The following KLHL4 variants were observed in gnomAD, a reference collection of about 807,000 sequenced individuals.
The protein encoded by KLHL4 is kelch-like protein 4.
KLHL4 carries 17 observed loss-of-function variants against 45.8 expected under a neutral mutation model. The ratio of observed to expected loss-of-function variants is 0.37; its 90% confidence interval spans 0.25 to 0.56. The LOEUF is 0.56. Among genes scored for constraint, KLHL4 ranks in the 20% least tolerant of loss-of-function variants. The pLI, the probability that KLHL4 is intolerant of heterozygous loss-of-function variation, is 0.79. For synonymous variants in KLHL4, 224 were observed against 189.9 expected (o/e 1.18, Z -1.47); for missense variants, 544 against 544.9 (o/e 1.00, Z 0.02).
At chrX:87,549,952 C>CA (rs1931776560) in intron 1 of KLHL4, among the ~76,000 whole-genome samples, 1 of 110,706 alleles carries the variant, frequency 9.0e-6, no homozygotes, top group Non-Finnish European at 1.9e-5. Flanking sequence ...GAAAACAATT[C>CA]AAAAGATCAA....
At chrX:87,657,084 C>G (rs1367916945) in intron 9 of KLHL4, among the ~76,000 whole-genome samples, 1 of 111,185 alleles carries the variant, frequency 9.0e-6, no homozygotes, top group Non-Finnish European at 1.9e-5. Context: ...GCAGAGCTCT[C>G]CATAAGCTCA....
At chrX:87,629,803 T>C (rs1163364695) in intron 6 of KLHL4, among the ~76,000 whole-genome samples, 1 of 111,742 alleles carries the variant, frequency 8.9e-6, no homozygotes, top group Non-Finnish European at 1.9e-5. Flanking sequence ...TGGTTAAACA[T>C]AGAATAAAAG....
chrX:87,633,639 G>A, intron 7 of KLHL4, 110 bp from the exon 8 acceptor site: 3 of 582,981 alleles, frequency 5.1e-6, no homozygotes, highest in Admixed American at 4.0e-5. Context: ...ATGCAAAATC[G>A]TTTAATAAGC....
At chrX:87,540,769 C>A (rs970698014) in intron 1 of KLHL4, among the ~76,000 whole-genome samples, 1 of 111,615 alleles carries the variant, frequency 9.0e-6, no homozygotes, top group Non-Finnish European at 1.9e-5. Flanking sequence ...AAGTAAAATA[C>A]AGTATATATA....
intron 9 of KLHL4, among the ~76,000 whole-genome samples, chrX:87,645,778 T>G (rs1392135357): frequency 1.8e-5 from 2 of 111,612 alleles, no homozygotes; most frequent in Non-Finnish European, 3.8e-5. Flanking sequence ...GAGACTATTA[T>G]TCTAAGTAAA....
chrX:87,654,855 G>A (rs1923936643), intron 9 of KLHL4, among the ~76,000 whole-genome samples: 1 of 111,557 alleles, frequency 9.0e-6, no homozygotes, highest in Non-Finnish European at 1.9e-5. Context: ...GTATAAAATG[G>A]TATCTCATTG....
intron 1 of KLHL4, among the ~76,000 whole-genome samples, chrX:87,531,143 T>G (rs1931265053): frequency 9.0e-6 from 1 of 110,674 alleles, no homozygotes; most frequent in African/African-American, 3.3e-5. Flanking sequence ...TTTGTTTGAG[T>G]TCATTGTAGA....
At chrX:87,530,397 T>C (rs1185391099) in intron 1 of KLHL4, among the ~76,000 whole-genome samples, 1 of 101,996 alleles carries the variant, frequency 9.8e-6, no homozygotes, top group Non-Finnish European at 2.0e-5. Flanking sequence ...ACTAGGTATA[T>C]CTCCCAATGC....
chrX:87,647,965 G>T (rs1431947986), intron 9 of KLHL4, among the ~76,000 whole-genome samples: 1 of 111,090 alleles, frequency 9.0e-6, no homozygotes, highest in African/African-American at 3.3e-5. Context: ...TATACAGAAA[G>T]AATTATTATA....
intron 1 of KLHL4, among the ~76,000 whole-genome samples, chrX:87,572,907 T>G (rs906403542): frequency 3.6e-5 from 4 of 110,986 alleles, no homozygotes; most frequent in South Asian, 3.7e-4. Flanking sequence ...ATTGGTTTGC[T>G]GACTCATTAA....
At chrX:87,562,465 G>A (rs908463468) in intron 1 of KLHL4, among the ~76,000 whole-genome samples, 19 of 109,574 alleles carry the variant, frequency 1.7e-4, no homozygotes, top group African/African-American at 6.0e-4. Flanking sequence ...AACACCAGTG[G>A]CTGCCAGGTA....
chrX:87,518,392 A>C, intron 1 of KLHL4, 77 bp downstream of exon 1: 2 of 832,823 alleles, frequency 2.4e-6, no homozygotes, highest in Non-Finnish European at 3.4e-6. Flanking sequence ...TTAGTGTTTA[A>C]ATAGAAAGTG....
intron 1 of KLHL4, among the ~76,000 whole-genome samples, chrX:87,585,466 CA>C (rs1343004066): frequency 9.0e-6 from 1 of 110,936 alleles, no homozygotes; most frequent in Non-Finnish European, 1.9e-5. Context: ...AATGTTAAAG[CA>C]GGGGTAATAG....
intron 1 of KLHL4, among the ~76,000 whole-genome samples, chrX:87,520,788 C>T (rs1413405416): frequency 8.9e-6 from 1 of 111,813 alleles, no homozygotes; most frequent in Non-Finnish European, 1.9e-5. Flanking sequence ...TCAACCATAG[C>T]ATTCCAACAA....
chrX:87,624,334 G>A (rs1343649173), intron 5 of KLHL4, among the ~76,000 whole-genome samples: 1 of 111,871 alleles, frequency 8.9e-6, no homozygotes, highest in Non-Finnish European at 1.9e-5. Flanking sequence ...TTTAAAAGGT[G>A]ACCTTACAAA....
intron 5 of KLHL4, 41 bp downstream of exon 5, chrX:87,622,464 A>G: frequency 1.1e-6 from 1 of 899,449 alleles, no homozygotes; most frequent in South Asian, 2.6e-5. Flanking sequence ...ATAGTTCTGA[A>G]CTACCACTAG....
chrX:87,634,001 C>A, intron 8 of KLHL4, 90 bp downstream of exon 8: 1 of 735,444 alleles, frequency 1.4e-6, no homozygotes, highest in Non-Finnish European at 2.0e-6. Flanking sequence ...ATTAGCATTC[C>A]AAATAACCTG....
intron 1 of KLHL4, among the ~76,000 whole-genome samples, chrX:87,571,818 C>A (rs1011878185): frequency 1.8e-5 from 2 of 110,585 alleles, no homozygotes; most frequent in Admixed American, 9.6e-5. Flanking sequence ...GTATTTATCC[C>A]TAATGGATTT....
At chrX:87,577,246 C>A (rs1334931354) in intron 1 of KLHL4, among the ~76,000 whole-genome samples, 1 of 111,708 alleles carries the variant, frequency 9.0e-6, no homozygotes, top group Non-Finnish European at 1.9e-5. Flanking sequence ...ACGCCGGTGG[C>A]ACTTGTGGCT....
Sources: gnomAD v4.1 joint callset for allele counts (sites outside exome capture counted in the v4.1 genomes callset) on GRCh38, gnomAD v4.1.1 for gene constraint, MANE v1.5 for transcripts, NCBI Gene and HGNC (gene_info 2026-07-23, HGNC 2026-07-21) for gene names.